The following IST1 variants were observed in gnomAD, a reference collection of about 807,000 sequenced individuals.
IST1 encodes IST1 homolog.
A neutral mutation model predicts 37.0 loss-of-function variants in IST1; 23 were observed. The observed-to-expected ratio is 0.62, with a 90% CI of 0.45 to 0.88. The LOEUF is 0.88. Ranked by LOEUF, IST1 falls within the 40% of genes least tolerant of loss-of-function variation. The pLI is 0.00. For missense variants in IST1, 488 were observed against 445.4 expected, an observed-to-expected ratio of 1.10 and a Z score of -0.86; for synonymous variants, 180 against 161.7, an observed-to-expected ratio of 1.11 and a Z score of -0.86.
intron 5 of IST1, chr16:71,921,049 C>T (rs916402927): frequency 5.9e-5 from 36 of 611,788 alleles, no homozygotes; most frequent in East Asian, 5.6e-4. Flanking sequence ...TTGTATGCCT[C>T]GTGTCATTTG....
intron 1 of IST1, among the ~76,000 whole-genome samples, chr16:71,897,503 C>T (rs747505135): frequency 2.0e-4 from 30 of 152,108 alleles, no homozygotes; most frequent in Admixed American, 1.6e-3. Flanking sequence ...AATCAAGTCC[C>T]AGGGTTTTAC....
At chr16:71,918,053 G>T (rs1160857863) in intron 4 of IST1, among the ~76,000 whole-genome samples, 2 of 152,148 alleles carry the variant, frequency 1.3e-5, no homozygotes, top group Non-Finnish European at 1.5e-5. Context: ...TGCCTTCATT[G>T]CTGAGTGATC....
intron 1 of IST1, among the ~76,000 whole-genome samples, chr16:71,908,040 G>C (rs1292762004): frequency 1.3e-5 from 2 of 152,060 alleles, no homozygotes; most frequent in Non-Finnish European, 2.9e-5. Flanking sequence ...CGCCTCCCGG[G>C]TTCAAGCAGT....
rs538692775 is a variant in IST1 at position 71,928,733 on chromosome 16, C to G, written c.*920C>G. 4.9e-4 allele frequency: 75 copies of G among 152,494 alleles called. No homozygotes were observed. The highest frequency in any genetic ancestry group is 1.7e-3 in the African/African-American group (70 of 41,564). 9.4% of individuals were successfully genotyped at this position (152,494 alleles called of 1,614,324 possible). A position where few individuals can be genotyped will look rare whatever the true frequency, so the allele number is the denominator to read the frequency against. On this transcript the variant is annotated 3_prime_UTR_variant, in exon 10 of 10. Transcript: ENST00000378799. ...ACTTTGATTCATGGAACCTTTAAAA[C>G]TAATCTCAGAAAAATTTTTGGTGCC...
intron 1 of IST1, 152 bp from the exon 2 acceptor site, chr16:71,915,474 A>G (rs930067339): frequency 3.6e-6 from 2 of 562,050 alleles, no homozygotes; most frequent in Admixed American, 3.5e-5. Context: ...ACAACAGCCA[A>G]AACAATCTGT....
At chr16:71,906,077 C>T (rs1230038190) in intron 1 of IST1, among the ~76,000 whole-genome samples, 2 of 150,424 alleles carry the variant, frequency 1.3e-5, no homozygotes, top group Non-Finnish European at 2.9e-5. Context: ...CATCTCGGCT[C>T]ACTGCAGCCT....
At chr16:71,918,442 A>G (rs909187854) in intron 4 of IST1, among the ~76,000 whole-genome samples, 8 of 132,882 alleles carry the variant, frequency 6.0e-5, no homozygotes, top group African/African-American at 1.1e-4. Context: ...TTTGAGATGG[A>G]GTCTTGCAGT....
At chr16:71,924,540 G>A (rs1567474604) in intron 8 of IST1, 9 of 586,450 alleles carry the variant, frequency 1.5e-5, no homozygotes, top group East Asian at 2.8e-5. Flanking sequence ...GTGGTGAGCC[G>A]TGATTGTATC....
intron 1 of IST1, among the ~76,000 whole-genome samples, chr16:71,909,680 TATAATC>T (rs1466714012): frequency 8.5e-5 from 13 of 152,246 alleles, no homozygotes; most frequent in Non-Finnish European, 1.8e-4. Flanking sequence ...GTCTGGCAGG[TATAATC>T]TTATCTTTGT....
intron 9 of IST1, 90 bp downstream of exon 9, chr16:71,924,907 A>G (rs2037701891): frequency 2.2e-6 from 2 of 900,424 alleles, no homozygotes; most frequent in Non-Finnish European, 3.7e-6. Context: ...GACTGTTTCC[A>G]TGTCCATGGA....
rs548518463 is a variant in IST1, at chr16:71,923,370, C to G, written c.842C>G (p.Ser281Trp). The G allele has an allele frequency of 3.6e-5, 58 of 1,602,320 alleles. No individual in the cohort carries two copies. The highest frequency in any genetic ancestry group is 1.7e-4 in the Middle Eastern group (1 of 6,042). The change falls in exon 8 of 10, where the codon TCG (serine) becomes TGG (tryptophan). Residue 281 changes from serine (S) to tryptophan (W), a missense_variant. This residue lies in a region of IST1 where 455 missense variants were observed against 386.2 expected (regional missense o/e 1.18). Coordinates refer to ENST00000378799, the MANE Select transcript of IST1 (RefSeq NM_001270975.2). ...HPPQIPATPP[S>W]YESVDDINAD... ...CCTCAGATACCAGCAACTCCCCCAT[C>G]GTATGAATCTGTAAGTGCCTGAGCC...
At chr16:71,912,551 A>G (rs1398527679) in intron 1 of IST1, among the ~76,000 whole-genome samples, 3 of 152,160 alleles carry the variant, frequency 2.0e-5, no homozygotes, top group Non-Finnish European at 4.4e-5. Context: ...ATATTCTTTT[A>G]TGTTTATCCT....
chr16:71,910,490 C>T (rs1021786565), intron 1 of IST1, among the ~76,000 whole-genome samples: 2 of 151,812 alleles, frequency 1.3e-5, no homozygotes, highest in African/African-American at 4.8e-5. Context: ...CCCGTAGTCC[C>T]AGCTACTCGG....
intron 1 of IST1, among the ~76,000 whole-genome samples, chr16:71,904,050 C>T (rs1252628859): frequency 6.6e-6 from 1 of 152,082 alleles, no homozygotes; most frequent in African/African-American, 2.4e-5. Flanking sequence ...CCTTCTGTAT[C>T]CCTGGTTTTC....
chr16:71,927,214 T>G, intron 9 of IST1, among the ~76,000 whole-genome samples: 1 of 152,116 alleles, frequency 6.6e-6, no homozygotes, highest in Middle Eastern at 3.2e-3. Context: ...ATTAACTTTT[T>G]TTTAGCCAGA....
Position 71,915,747 on chromosome 16 carries a change from T to G in IST1, c.88+19T>G, listed in dbSNP as rs1469338237. 3.3e-6 allele frequency: 5 copies of G among 1,524,712 alleles called. No homozygotes were observed. In the Admixed American group the frequency reaches 8.5e-5, roughly 26 times the overall value. The allele number at this position is 1,524,712 out of a possible 1,614,324, so 94.4% of individuals were successfully genotyped here. Reference sequence around the variant, plus strand: ...AAGAAAAGTGAGTAGTGTACTTTTTTTCCCCAAAAATAAATCACTGGATAC... The same window carrying G: ...AAGAAAAGTGAGTAGTGTACTTTTTGTCCCCAAAAATAAATCACTGGATAC... On this transcript the variant is annotated intron_variant, in intron 2 of 9. Transcript: ENST00000378799.
chr16:71,916,738 C>T (rs1380008345), intron 3 of IST1, 96 bp downstream of exon 3: 4 of 1,018,502 alleles, frequency 3.9e-6, no homozygotes, highest in African/African-American at 3.2e-5. Flanking sequence ...TTCACATGCC[C>T]AAGGATCTGC....
intron 1 of IST1, among the ~76,000 whole-genome samples, chr16:71,900,986 T>C (rs1252455911): frequency 6.6e-6 from 1 of 152,236 alleles, no homozygotes; most frequent in Non-Finnish European, 1.5e-5. Flanking sequence ...GATTACTTAC[T>C]GGACAATGTT....
rs371294495 is a variant in IST1, at chr16:71,929,620, C to T, written c.*1807C>T. 1.5e-4 allele frequency: 226 copies of T among 1,551,722 alleles called. No homozygotes were observed. Among genetic ancestry groups the T allele is most frequent in the Middle Eastern group, 1.2e-3 (7 of 6,014 alleles). On this transcript the variant is annotated 3_prime_UTR_variant, in exon 10 of 10. Coordinates refer to ENST00000378799, the MANE Select transcript of IST1 (RefSeq NM_001270975.2). The stretch of plus-strand genomic sequence containing the variant: ...CTCAGATGAGGTTTTTTGGGGCCAA[C>T]TGATTCCTAACAAATTTGAGAGCTT...
Sources: allele counts gnomAD v4.1 joint callset (sites outside exome capture counted in the v4.1 genomes callset), GRCh38; gene constraint gnomAD v4.1.1; regional missense constraint gnomAD v4.1.1; transcripts MANE v1.5; gene names NCBI Gene and HGNC (gene_info 2026-07-23, HGNC 2026-07-21).